NEK10: variants seen among roughly 807,000 people sequenced by gnomAD.
NEK10 encodes the protein NIMA related kinase 10, also known as serine/threonine-protein kinase Nek10.
Under a neutral mutation model 159.8 loss-of-function variants are expected in NEK10, and 122 were observed. The observed-to-expected ratio is 0.76, with a 90% CI of 0.66 to 0.89. NEK10 has a LOEUF of 0.89. NEK10 is among the 40% of genes least tolerant of loss of function. NEK10 has a pLI of 0.00. For missense variants in NEK10, 1,342 were observed against 1,323.1 expected (o/e 1.01, Z -0.22); for synonymous variants, 466 against 457.1 (o/e 1.02, Z -0.25).
At chr3:27,330,420 C>T (rs923069512) in intron 5 of NEK10, among the ~76,000 whole-genome samples, 1 of 152,108 alleles carries the variant, frequency 6.6e-6, no homozygotes, top group African/African-American at 2.4e-5. Context: ...AAAAGTTCTA[C>T]TCTGGGTAAA....
At chr3:27,312,541 T>C (rs573394378) in intron 7 of NEK10, among the ~76,000 whole-genome samples, 4 of 152,302 alleles carry the variant, frequency 2.6e-5, no homozygotes, top group African/African-American at 9.6e-5. Flanking sequence ...TCAATGTATC[T>C]TTTTAGGAGA....
At chr3:27,141,158 G>A (rs1200807207) in intron 31 of NEK10, among the ~76,000 whole-genome samples, 1 of 152,034 alleles carries the variant, frequency 6.6e-6, no homozygotes, top group South Asian at 2.1e-4. Flanking sequence ...TTCTTTCTTA[G>A]AGTAAAGCTG....
chr3:27,364,386 GTGTGTGTGTGTGTGTGTGTA>G (rs1397925237), intron 1 of NEK10, among the ~76,000 whole-genome samples: 2 of 141,312 alleles, frequency 1.4e-5, no homozygotes, highest in African/African-American at 5.8e-5. Flanking sequence ...GTGTGTGTGT[GTGTGTGTGTGTGTGTGTGTA>G]TAGTAGAGAC....
chr3:27,295,736 A>G (rs778954758), intron 14 of NEK10, 46 bp from the exon 15 acceptor site: 1 of 1,499,314 alleles, frequency 6.7e-7, no homozygotes, highest in Non-Finnish European at 8.9e-7. Flanking sequence ...CACTGTAGTG[A>G]TACACAAGCA....
chr3:27,295,888 T>C (rs472146), intron 14 of NEK10, among the ~76,000 whole-genome samples, 198 bp from the exon 15 acceptor site: 96,781 of 152,028 alleles, frequency 0.64, 33,100 homozygotes, highest in African/African-American at 0.91. Context: ...CAACTACAAT[T>C]TTAAAATTTC....
At chr3:27,253,064 G>C in intron 23 of NEK10, 1 of 354,014 alleles carries the variant, frequency 2.8e-6, no homozygotes. Context: ...GCTTCACTTT[G>C]TCTCTACTTA....
chr3:27,283,350 G>T (rs1178451556), intron 22 of NEK10, among the ~76,000 whole-genome samples: 1 of 151,992 alleles, frequency 6.6e-6, no homozygotes, highest in Non-Finnish European at 1.5e-5. Context: ...AAAATATTAA[G>T]ACCTCTATTT....
intron 26 of NEK10, among the ~76,000 whole-genome samples, chr3:27,181,786 A>G (rs1476833804): frequency 6.6e-6 from 1 of 152,200 alleles, no homozygotes; most frequent in Admixed American, 6.5e-5. Context: ...CTACTGTATC[A>G]GGAGAATACT....
Position 27,329,062 on chromosome 3 carries a change from G to A in NEK10, c.363-6801C>T, listed in dbSNP as rs1404983467. 2.0e-5 allele frequency among the ~76,000 whole-genome samples: 3 copies of A among 152,162 alleles called. No homozygotes were observed. In the East Asian group the frequency reaches 5.8e-4, roughly 29 times the overall value. Reference sequence around the variant, plus strand: ...ATGTTGTGGGAGGGACCTGGTGGGAGGTATTTAATCATGGGGGCAGGTCTT... The same window carrying A: ...ATGTTGTGGGAGGGACCTGGTGGGAAGTATTTAATCATGGGGGCAGGTCTT... On this transcript the variant is annotated intron_variant, in intron 5 of 35. Transcript: ENST00000691995.
intron 22 of NEK10, among the ~76,000 whole-genome samples, chr3:27,260,734 T>A (rs113301310): frequency 1.3e-5 from 2 of 152,232 alleles, no homozygotes; most frequent in Non-Finnish European, 2.9e-5. Context: ...GCTGGCCTCA[T>A]AAAATGAGTT....
rs187819506 is a variant in NEK10 at position 27,231,664 on chromosome 3, T to C, written c.2090+24632A>G. ...TCAATTAGCAATGAAACTGGAGACA[T>C]TACAACCAATACCACAGAAATAAAA... is the stretch of plus-strand genomic sequence containing the variant. On this transcript the variant is annotated intron_variant, in intron 23 of 35. Transcript: ENST00000691995. Among the ~76,000 whole-genome samples, 83 of 151,820 alleles carry C rather than the reference T, an allele frequency of 5.5e-4. 1 individual carries two copies. The highest frequency in any genetic ancestry group is 8.3e-4 in the South Asian group (4 of 4,814).
intron 23 of NEK10, among the ~76,000 whole-genome samples, chr3:27,244,210 A>AT (rs977167228): frequency 2.0e-5 from 3 of 152,192 alleles, no homozygotes; most frequent in Non-Finnish European, 4.4e-5. Flanking sequence ...GAAAGATTTA[A>AT]TTTTCACAAT....
At chr3:27,278,339 T>G (rs758097973) in intron 22 of NEK10, among the ~76,000 whole-genome samples, 6 of 152,214 alleles carry the variant, frequency 3.9e-5, no homozygotes, top group Non-Finnish European at 7.3e-5. Context: ...CTGTGCTCAC[T>G]TGTAGGATGT....
At chr3:27,261,104 T>C (rs2040373712) in intron 22 of NEK10, among the ~76,000 whole-genome samples, 1 of 152,222 alleles carries the variant, frequency 6.6e-6, no homozygotes, top group Non-Finnish European at 1.5e-5. Flanking sequence ...TATTTGATTC[T>C]TCTCTCTTTT....
intron 7 of NEK10, among the ~76,000 whole-genome samples, chr3:27,312,943 A>G (rs2044820570): frequency 6.6e-6 from 1 of 152,218 alleles, no homozygotes; most frequent in Non-Finnish European, 1.5e-5. Context: ...ATTCAGAATG[A>G]GTTTGCAGGG....
intron 24 of NEK10, 34 bp from the exon 25 acceptor site, chr3:27,201,614 A>C (rs750764673): frequency 2.8e-5 from 43 of 1,531,242 alleles, no homozygotes; most frequent in Non-Finnish European, 3.8e-5. Flanking sequence ...GATGGAAGTA[A>C]AGGGGCCACG....
chr3:27,137,143 G>A (rs765899397), intron 31 of NEK10, among the ~76,000 whole-genome samples: 1 of 151,976 alleles, frequency 6.6e-6, no homozygotes, highest in African/African-American at 2.4e-5. Context: ...AATCATTCCC[G>A]ACTATGTGCA....
intron 31 of NEK10, among the ~76,000 whole-genome samples, chr3:27,138,033 G>A (rs1943395584): frequency 6.6e-6 from 1 of 152,180 alleles, no homozygotes; most frequent in Admixed American, 6.5e-5. Context: ...TATCAGAAGA[G>A]AGCCCTGGAG....
intron 22 of NEK10, among the ~76,000 whole-genome samples, chr3:27,271,081 C>G (rs1017119272): frequency 6.6e-6 from 1 of 152,016 alleles, no homozygotes. Context: ...TCTTTTAATA[C>G]ATGTATATGT....
Sources: gnomAD v4.1 joint callset for allele counts (sites outside exome capture counted in the v4.1 genomes callset) on GRCh38, gnomAD v4.1.1 for gene constraint, MANE v1.5 for transcripts, NCBI Gene and HGNC (gene_info 2026-07-23, HGNC 2026-07-21) for gene names.